The following NUBPL variants were observed in gnomAD, a reference collection of about 807,000 sequenced individuals.
The protein encoded by NUBPL is NUBP iron-sulfur cluster assembly factor, mitochondrial, also known as iron-sulfur cluster transfer protein NUBPL.
In NUBPL, 31 loss-of-function variants were observed where a neutral mutation model predicts 45.7. The ratio of observed to expected loss-of-function variants is 0.68; its 90% CI spans 0.51 to 0.92. The LOEUF is 0.92. Among genes scored for constraint, NUBPL ranks in the 40% least tolerant of loss-of-function variants. NUBPL has a pLI of 0.00. For missense variants in NUBPL, 401 were observed against 398.7 expected (o/e 1.01, Z -0.05); for synonymous variants, 144 against 140.9 (o/e 1.02, Z -0.15).
At chr14:31,633,236 C>T (rs8006164) in intron 4 of NUBPL, among the ~76,000 whole-genome samples, 55,950 of 152,130 alleles carry the variant, frequency 0.37, 12,584 homozygotes, top group East Asian at 0.59. Flanking sequence ...CTTCAAACCA[C>T]CTTCACCTCT....
At chr14:31,677,211 T>C (rs2036721407) in intron 6 of NUBPL, among the ~76,000 whole-genome samples, 1 of 152,188 alleles carries the variant, frequency 6.6e-6, no homozygotes, top group African/African-American at 2.4e-5. Flanking sequence ...TTAGCTATTT[T>C]AAAATGTACC....
intron 6 of NUBPL, among the ~76,000 whole-genome samples, chr14:31,716,904 T>C (rs1004113874): frequency 6.6e-5 from 10 of 152,272 alleles, no homozygotes; most frequent in African/African-American, 2.4e-4. Flanking sequence ...TTTGTACTTA[T>C]GGTGTTCATT....
chr14:31,585,482 T>C (rs1156292909), intron 3 of NUBPL, among the ~76,000 whole-genome samples: 1 of 152,242 alleles, frequency 6.6e-6, no homozygotes, highest in Non-Finnish European at 1.5e-5. Flanking sequence ...ACTTTTTGGC[T>C]ATCATGACTC....
intron 6 of NUBPL, among the ~76,000 whole-genome samples, chr14:31,748,688 C>T (rs1183086575): frequency 2.0e-5 from 3 of 152,118 alleles, no homozygotes; most frequent in Non-Finnish European, 4.4e-5. Context: ...TCTCGGCTCA[C>T]TGCAACCTCT....
At chr14:31,795,291 G>A (rs1325280759) in intron 7 of NUBPL, among the ~76,000 whole-genome samples, 1 of 144,420 alleles carries the variant, frequency 6.9e-6, no homozygotes, top group Non-Finnish European at 1.5e-5. Context: ...AGCTTGATGG[G>A]GATGGCATTG....
At chr14:31,591,535 T>C (rs1365845353) in intron 3 of NUBPL, among the ~76,000 whole-genome samples, 1 of 152,220 alleles carries the variant, frequency 6.6e-6, no homozygotes, top group Non-Finnish European at 1.5e-5. Context: ...AGTCTATTTT[T>C]TTTGGAGTTG....
intron 4 of NUBPL, among the ~76,000 whole-genome samples, chr14:31,649,610 ATG>A (rs1233729437): frequency 6.6e-6 from 1 of 152,250 alleles, no homozygotes; most frequent in East Asian, 1.9e-4. Context: ...AACTTTAAAT[ATG>A]TGATACAAGT....
chr14:31,718,295 C>T (rs973500278), intron 6 of NUBPL, among the ~76,000 whole-genome samples: 1 of 152,050 alleles, frequency 6.6e-6, no homozygotes, highest in East Asian at 1.9e-4. Context: ...TTACAAGTGT[C>T]CCAGGGAAAA....
intron 6 of NUBPL, among the ~76,000 whole-genome samples, chr14:31,783,891 A>G (rs2138806732): frequency 6.6e-6 from 1 of 152,324 alleles, no homozygotes; most frequent in South Asian, 2.1e-4. Context: ...AGGGAAAAAC[A>G]ATGATAAATT....
chr14:31,830,703 A>G (rs1289865646), intron 8 of NUBPL, among the ~76,000 whole-genome samples: 3 of 152,242 alleles, frequency 2.0e-5, no homozygotes, highest in Non-Finnish European at 2.9e-5. Flanking sequence ...TTTGGATAGC[A>G]AGAAAACATG....
At chr14:31,590,440 A>G (rs2034112242) in intron 3 of NUBPL, among the ~76,000 whole-genome samples, 1 of 152,100 alleles carries the variant, frequency 6.6e-6, no homozygotes, top group East Asian at 1.9e-4. Context: ...AGCAGAGCAT[A>G]TGGAACTGTG....
chr14:31,823,872 G>C (rs2040056962), intron 7 of NUBPL, among the ~76,000 whole-genome samples: 1 of 152,056 alleles, frequency 6.6e-6, no homozygotes, highest in African/African-American at 2.4e-5. Flanking sequence ...TGTATTGGAG[G>C]TGTAGAGTGT....
intron 7 of NUBPL, among the ~76,000 whole-genome samples, chr14:31,811,693 G>A (rs1193139853): frequency 6.6e-6 from 1 of 152,120 alleles, no homozygotes; most frequent in Non-Finnish European, 1.5e-5. Context: ...TGGAGGAGAA[G>A]GAGTGCTCTG....
chr14:31,842,761 A>T (rs188359492), intron 8 of NUBPL, among the ~76,000 whole-genome samples: 24 of 152,298 alleles, frequency 1.6e-4, no homozygotes, highest in Non-Finnish European at 2.9e-5. Flanking sequence ...TCAGTTATAC[A>T]TCCTTATTAG....
chr14:31,591,692 T>G (rs2034146931), intron 3 of NUBPL, among the ~76,000 whole-genome samples: 1 of 152,040 alleles, frequency 6.6e-6, no homozygotes, highest in Non-Finnish European at 1.5e-5. Context: ...ATAGTAATAT[T>G]ACTTAATTTT....
At chr14:31,625,484 T>C (rs1436325965) in intron 4 of NUBPL, among the ~76,000 whole-genome samples, 1 of 151,182 alleles carries the variant, frequency 6.6e-6, no homozygotes, top group African/African-American at 2.4e-5. Flanking sequence ...TTTCTTTTTT[T>C]TTTTTTTTGA....
At chr14:31,813,947 C>A (rs544824308) in intron 7 of NUBPL, among the ~76,000 whole-genome samples, 1 of 152,130 alleles carries the variant, frequency 6.6e-6, no homozygotes, top group African/African-American at 2.4e-5. Context: ...ATGGGCATTT[C>A]GGTTGGTTCC....
chr14:31,565,651 T>C (rs2033417502), intron 3 of NUBPL, among the ~76,000 whole-genome samples: 1 of 152,128 alleles, frequency 6.6e-6, no homozygotes, highest in Non-Finnish European at 1.5e-5. Flanking sequence ...CAGTTCCCAT[T>C]TGATGAAATA....
intron 6 of NUBPL, among the ~76,000 whole-genome samples, chr14:31,723,667 T>G (rs2037859688): frequency 6.6e-6 from 1 of 152,192 alleles, no homozygotes; most frequent in Non-Finnish European, 1.5e-5. Context: ...TTCACCTCCC[T>G]GGTTTGCTAT....
Sources: gnomAD v4.1 joint callset for allele counts (sites outside exome capture counted in the v4.1 genomes callset) on GRCh38, gnomAD v4.1.1 for gene constraint, MANE v1.5 for transcripts, NCBI Gene and HGNC (gene_info 2026-07-23, HGNC 2026-07-21) for gene names.